MPPED2: variants seen among roughly 807,000 people sequenced by gnomAD.
MPPED2 encodes metallophosphoesterase MPPED2.
A neutral mutation model predicts 33.0 loss-of-function variants in MPPED2; 5 were observed. The observed-to-expected ratio is 0.15, with a 90% CI of 0.08 to 0.32. The LOEUF is 0.32. Ranked by LOEUF, MPPED2 falls within the 10% of genes least tolerant of loss-of-function variation. MPPED2 has a pLI of 1.00. For synonymous variants in MPPED2, 136 were observed against 141.9 expected (o/e 0.96, Z 0.29); for missense variants, 275 against 372.1 (o/e 0.74, Z 2.15).
intron 4 of MPPED2, among the ~76,000 whole-genome samples, chr11:30,421,548 G>T (rs1034502548): frequency 5.9e-5 from 9 of 151,500 alleles, no homozygotes; most frequent in African/African-American, 1.7e-4. Flanking sequence ...ATTGGATTTA[G>T]TTCTTCACAG....
chr11:30,401,826 A>C (rs1947911951), intron 6 of MPPED2, among the ~76,000 whole-genome samples: 2 of 150,104 alleles, frequency 1.3e-5, no homozygotes, highest in South Asian at 4.3e-4. Flanking sequence ...CTGGGACTAC[A>C]GGCACCCGCT....
Position 30,430,825 on chromosome 11 carries a change from T to C in MPPED2, c.537-13192A>G, listed in dbSNP as rs1434711008. ...AAAATCCTTAAGACATCATGTTGCT[T>C]GAGAAAAACCAGCCCACAGCATACA... On this transcript the variant is annotated intron_variant, in intron 4 of 6. Transcript: ENST00000358117. Among the ~76,000 whole-genome samples the C allele has an allele frequency of 1.3e-5, 2 of 152,142 alleles. 1 individual carries two copies. Among genetic ancestry groups the C allele is most frequent in the Non-Finnish European group, 2.9e-5 (2 of 68,020 alleles).
chr11:30,423,188 C>T (rs1016079166), intron 4 of MPPED2, among the ~76,000 whole-genome samples: 3 of 152,152 alleles, frequency 2.0e-5, no homozygotes, highest in Non-Finnish European at 4.4e-5. Context: ...TTTACTCCCC[C>T]ACAAACTTCA....
chr11:30,500,791 C>T (rs758491654), intron 3 of MPPED2, among the ~76,000 whole-genome samples: 13 of 152,122 alleles, frequency 8.5e-5, no homozygotes, highest in African/African-American at 1.2e-4. Flanking sequence ...TACCTAGTCC[C>T]GTATCTTCAA....
At chr11:30,495,245 T>C (rs1050548343) in intron 4 of MPPED2, 51 bp downstream of exon 4, 3 of 1,264,646 alleles carry the variant, frequency 2.4e-6, no homozygotes, top group African/African-American at 1.5e-5. Flanking sequence ...CTGTGTTTTC[T>C]TGGTACTGAG....
rs115560559 is a variant in MPPED2, at chr11:30,410,565, A to T, written c.*903T>A. The T allele has an allele frequency of 8.0e-4, 786 of 985,562 alleles. 6 individuals carry two copies. In the African/African-American group the frequency reaches 0.013, roughly 16 times the overall value. 61.1% of individuals were successfully genotyped at this position (985,562 alleles called of 1,614,324 possible). A position where few individuals can be genotyped will look rare whatever the true frequency, so the allele number is the denominator to read the frequency against. ...ATGCCTGTAACTGTACCTAGATTTAACTCAAGCTCTTTAAGACCTTGAGCT... is the reference window on the plus strand; with the variant it reads ...ATGCCTGTAACTGTACCTAGATTTATCTCAAGCTCTTTAAGACCTTGAGCT... On this transcript the variant is annotated 3_prime_UTR_variant, in exon 7 of 7. Coordinates refer to ENST00000358117, the MANE Select transcript of MPPED2 (RefSeq NM_001584.3).
intron 4 of MPPED2, chr11:30,425,412 A>T (rs1180667107): frequency 2.0e-5 from 3 of 152,240 alleles, no homozygotes; most frequent in Non-Finnish European, 1.5e-5. Context: ...GCTCTGAATT[A>T]TTAAAAATAA....
rs187691729 is a variant in MPPED2, at chr11:30,523,732, A to G, written c.310+12262T>C. ...AACCTCCACATCCCAGGTTCAAGCA[A>G]TTCTCCTGCCTCAGCCTCCCAAGTA... On this transcript the variant is annotated intron_variant, in intron 3 of 6. Transcript: ENST00000358117. Among the ~76,000 whole-genome samples the G allele has an allele frequency of 7.3e-5, 11 of 151,006 alleles. No individual in the cohort carries two copies. In the East Asian group the frequency reaches 2.0e-3, roughly 27 times the overall value.
At position 30,512,126 on chromosome 11, in the gene MPPED2, G is replaced by A. The variant is rs183594495; in HGVS notation, c.311-16605C>T. On this transcript the variant is annotated intron_variant, in intron 3 of 6. Coordinates refer to ENST00000358117, the MANE Select transcript of MPPED2 (RefSeq NM_001584.3). ...GAGACACCAAATAGGCAGTAGTAACGGTGTCCTATGAGAACTCTATTGTCA... is the reference window on the plus strand; with the variant it reads ...GAGACACCAAATAGGCAGTAGTAACAGTGTCCTATGAGAACTCTATTGTCA... 3.4e-4 allele frequency among the ~76,000 whole-genome samples: 52 copies of A among 152,254 alleles called. 1 individual carries two copies. The East Asian group carries it at 3.9e-3, about 11-fold the overall frequency.
chr11:30,580,383 C>T lies in MPPED2; in HGVS notation c.-10G>A. Reference sequence around the variant, plus strand: ...GAATCCCATGTGCCATCCTTCCTCCCTATAGGCATGAGCAATTCACAACTT... The same window carrying T: ...GAATCCCATGTGCCATCCTTCCTCCTTATAGGCATGAGCAATTCACAACTT... On this transcript the variant is annotated 5_prime_UTR_variant, in exon 2 of 7. Coordinates refer to ENST00000358117, the MANE Select transcript of MPPED2 (RefSeq NM_001584.3). 6.2e-7 allele frequency: 1 copy of T among 1,613,850 alleles called. No homozygotes were observed. The highest frequency in any genetic ancestry group is 8.5e-7 in the Non-Finnish European group (1 of 1,179,932).
chr11:30,447,198 T>C (rs1269252478), intron 4 of MPPED2, among the ~76,000 whole-genome samples: 1 of 152,186 alleles, frequency 6.6e-6, no homozygotes, highest in African/African-American at 2.4e-5. Context: ...CAGATTCCAC[T>C]GGACCAAAAG....
intron 2 of MPPED2, among the ~76,000 whole-genome samples, chr11:30,556,606 TG>T (rs1464585531): frequency 2.0e-5 from 3 of 152,214 alleles, no homozygotes; most frequent in African/African-American, 7.2e-5. Context: ...CAAAGTTGTG[TG>T]TCATTGACAA....
At chr11:30,400,591 C>G (rs534464239) in intron 6 of MPPED2, among the ~76,000 whole-genome samples, 3 of 152,176 alleles carry the variant, frequency 2.0e-5, no homozygotes, top group African/African-American at 7.2e-5. Flanking sequence ...CACTCATTAA[C>G]CTGTCATGAG....
intron 3 of MPPED2, among the ~76,000 whole-genome samples, chr11:30,508,069 G>C (rs1349385094): frequency 6.6e-6 from 1 of 152,088 alleles, no homozygotes; most frequent in African/African-American, 2.4e-5. Flanking sequence ...TCCTAAATCT[G>C]TGTTTTCTCC....
At chr11:30,572,128 T>C (rs1956720773) in intron 2 of MPPED2, among the ~76,000 whole-genome samples, 1 of 152,124 alleles carries the variant, frequency 6.6e-6, no homozygotes, top group African/African-American at 2.4e-5. Context: ...AAAATCCAGG[T>C]ATAACATAGA....
intron 4 of MPPED2, among the ~76,000 whole-genome samples, chr11:30,486,612 A>G (rs545206254): frequency 2.3e-4 from 35 of 152,308 alleles, no homozygotes; most frequent in Middle Eastern, 6.8e-3. Flanking sequence ...TGAAGAAATG[A>G]TACCAAAAAG....
At chr11:30,436,488 G>A (rs980049563) in intron 4 of MPPED2, among the ~76,000 whole-genome samples, 1 of 152,128 alleles carries the variant, frequency 6.6e-6, no homozygotes, top group Non-Finnish European at 1.5e-5. Flanking sequence ...CAACCCTCCT[G>A]AATTCAAATC....
chr11:30,492,670 T>C (rs1590546369), intron 4 of MPPED2, among the ~76,000 whole-genome samples: 1 of 149,700 alleles, frequency 6.7e-6, no homozygotes, highest in East Asian at 2.0e-4. Context: ...TCTTGCCCTT[T>C]ACCACGTTCT....
intron 1 of MPPED2, chr11:30,584,745 C>T (rs1957380574): frequency 2.0e-5 from 3 of 152,500 alleles, no homozygotes; most frequent in Admixed American, 6.5e-5. Context: ...GGGCCGCCGC[C>T]TCCTCCCTGC....
Sources: gnomAD v4.1 joint callset for allele counts (sites outside exome capture counted in the v4.1 genomes callset) on GRCh38, gnomAD v4.1.1 for gene constraint, MANE v1.5 for transcripts, NCBI Gene and HGNC (gene_info 2026-07-23, HGNC 2026-07-21) for gene names.